The following CFAP70 variants were observed in gnomAD, a reference collection of about 807,000 sequenced individuals.
The protein encoded by CFAP70 is cilia- and flagella-associated protein 70.
In CFAP70, 81 loss-of-function variants were observed where a neutral mutation model predicts 137.6. The observed-to-expected ratio is 0.59, with a 90% confidence interval of 0.49 to 0.71. The LOEUF (loss-of-function observed/expected upper bound fraction) is 0.71. CFAP70 is among the 30% of genes least tolerant of loss of function. CFAP70 has a pLI of 0.00. For missense variants in CFAP70, 976 were observed against 1,226.7 expected (o/e 0.80, Z 3.05); for synonymous variants, 382 against 423.6 (o/e 0.90, Z 1.20).
At chr10:73,359,623 G>C (rs1296984096), upstream of CFAP70, among the ~76,000 whole-genome samples, 1 of 152,154 alleles carries the variant, frequency 6.6e-6, no homozygotes, top group Non-Finnish European at 1.5e-5. Context: ...CAACCCAGAA[G>C]TGTAGCGAGA....
exon 7 of CFAP70, chr10:73,335,497 A>C: frequency 6.2e-7 from 1 of 1,610,818 alleles, no homozygotes. Flanking sequence ...TTCTTTATGC[A>C]CTCTGCTTGA....
intron 7 of CFAP70, 146 bp downstream of exon 8, chr10:73,335,284 T>C (rs1274366224): frequency 4.1e-6 from 2 of 488,176 alleles, no homozygotes; most frequent in Non-Finnish European, 7.2e-6. Context: ...GAACACAACA[T>C]CACTCTAATA....
intron 9 of CFAP70, among the ~76,000 whole-genome samples, chr10:73,316,496 A>G (rs568868022): frequency 7.5e-6 from 1 of 134,132 alleles, no homozygotes; most frequent in Non-Finnish European, 1.6e-5. Flanking sequence ...AGATATATAT[A>G]TATATATATA....
intron 19 of CFAP70, among the ~76,000 whole-genome samples, chr10:73,281,707 C>G (rs1235477791): frequency 3.3e-5 from 5 of 152,074 alleles, no homozygotes; most frequent in Middle Eastern, 3.2e-3. Context: ...CATGTGATTG[C>G]AATATTCACA....
chr10:73,262,312 A>C (rs3998306), intron 25 of CFAP70, among the ~76,000 whole-genome samples: 15,942 of 151,966 alleles, frequency 0.1, 1,186 homozygotes, highest in East Asian at 0.29. Flanking sequence ...TCCAGCATAT[A>C]CCCACTGTAG....
chr10:73,308,004 A>G (rs2132059080), intron 12 of CFAP70, among the ~76,000 whole-genome samples: 1 of 151,568 alleles, frequency 6.6e-6, no homozygotes, highest in Admixed American at 6.6e-5. Flanking sequence ...AAAAAAAAAA[A>G]AAATGCTGGG....
intron 19 of CFAP70, among the ~76,000 whole-genome samples, chr10:73,279,523 C>CAATAAATA (rs35709122): frequency 0.014 from 1,814 of 129,374 alleles, 10 homozygotes; most frequent in Admixed American, 0.02. Context: ...GACTCTGTCT[C>CAATAAATA]AATAAATAAA....
At chr10:73,335,075 T>C (rs1169613767) in intron 7 of CFAP70, among the ~76,000 whole-genome samples, 2 of 149,638 alleles carry the variant, frequency 1.3e-5, no homozygotes, top group Non-Finnish European at 3.0e-5. Context: ...TTTTTTTTTT[T>C]TTTTTGTGAG....
At chr10:73,304,249 T>C (rs2049193831) in intron 12 of CFAP70, among the ~76,000 whole-genome samples, 2 of 152,134 alleles carry the variant, frequency 1.3e-5, no homozygotes, top group Admixed American at 1.3e-4. Flanking sequence ...AGGCAGGGTT[T>C]CCCCACATTG....
intron 19 of CFAP70, 121 bp from the exon 21 acceptor site, chr10:73,278,458 A>G (rs1218646139): frequency 1.3e-6 from 1 of 760,118 alleles, no homozygotes; most frequent in Non-Finnish European, 2.0e-6. Context: ...CATGAAGGAC[A>G]GACTTGTTTG....
intron 12 of CFAP70, among the ~76,000 whole-genome samples, chr10:73,308,198 C>T (rs1176757709): frequency 6.6e-6 from 1 of 151,794 alleles, no homozygotes; most frequent in East Asian, 1.9e-4. Context: ...CCCTATAAAC[C>T]AATTAGACCT....
chr10:73,302,883 C>CT (rs1554895440), intron 12 of CFAP70, among the ~76,000 whole-genome samples: 19,063 of 130,910 alleles, frequency 0.15, 3,355 homozygotes, highest in African/African-American at 0.43. Context: ...CTTTTCTTTT[C>CT]TTTTTTTTTT....
At chr10:73,326,203 C>T (rs1277299745) in intron 8 of CFAP70, among the ~76,000 whole-genome samples, 2 of 152,026 alleles carry the variant, frequency 1.3e-5, no homozygotes, top group African/African-American at 2.4e-5. Context: ...TGCTCAACTA[C>T]ATGGAAACTG....
At chr10:73,282,282 C>T (rs1589338232) in intron 19 of CFAP70, among the ~76,000 whole-genome samples, 1 of 152,170 alleles carries the variant, frequency 6.6e-6, no homozygotes, top group East Asian at 1.9e-4. Context: ...CACACATATC[C>T]AAAACTGCAC....
At chr10:73,350,344 A>T (rs1285945183) in intron 3 of CFAP70, among the ~76,000 whole-genome samples, 1 of 142,308 alleles carries the variant, frequency 7.0e-6, no homozygotes, top group Non-Finnish European at 1.5e-5. Context: ...TGACCTTTGT[A>T]ACCTGACAGA....
chr10:73,324,893 C>G (rs200181040), intron 8 of CFAP70, among the ~76,000 whole-genome samples: 16,077 of 152,124 alleles, frequency 0.11, 1,231 homozygotes, highest in East Asian at 0.3. Context: ...GAGAATGGAA[C>G]CAAGTTGGAA....
At chr10:73,298,370 G>T (rs2048695689) in intron 14 of CFAP70, among the ~76,000 whole-genome samples, 1 of 152,078 alleles carries the variant, frequency 6.6e-6, no homozygotes. Flanking sequence ...TCAAATTTTA[G>T]TGATTCTATA....
At chr10:73,357,748 T>C (rs1163867434) in intron 1 of CFAP70, among the ~76,000 whole-genome samples, 2 of 152,238 alleles carry the variant, frequency 1.3e-5, no homozygotes, top group African/African-American at 4.8e-5. Flanking sequence ...TTTGAACCTT[T>C]GCATTTTTCC....
intron 19 of CFAP70, among the ~76,000 whole-genome samples, chr10:73,288,635 C>A (rs1411865474): frequency 1.3e-5 from 2 of 152,182 alleles, no homozygotes; most frequent in African/African-American, 4.8e-5. Flanking sequence ...CTTGGTAGGA[C>A]AGTTAGTTCA....
Sources: allele counts gnomAD v4.1 joint callset (sites outside exome capture counted in the v4.1 genomes callset), GRCh38; gene constraint gnomAD v4.1.1; transcripts MANE v1.5; gene names NCBI Gene and HGNC (gene_info 2026-07-23, HGNC 2026-07-21).